MAMDC2: variants seen among roughly 807,000 people sequenced by gnomAD.
MAMDC2 encodes the protein MAM domain containing 2.
Under a neutral mutation model 89.8 loss-of-function variants are expected in MAMDC2, and 57 were observed. That is an observed-to-expected ratio of 0.63 (90% confidence interval 0.51 to 0.79). The LOEUF is 0.79. Among genes scored for constraint, MAMDC2 ranks in the 30% least tolerant of loss-of-function variants. The pLI is 0.00. For synonymous variants in MAMDC2, 313 were observed against 293.4 expected (o/e 1.07, Z -0.68); for missense variants, 800 against 820.6 (o/e 0.97, Z 0.31).
At chr9:70,158,835 T>C (rs1227698233) in intron 9 of MAMDC2, among the ~76,000 whole-genome samples, 2 of 150,692 alleles carry the variant, frequency 1.3e-5, no homozygotes, top group East Asian at 3.9e-4. Context: ...CTATACAGCA[T>C]GTTATTGTAT....
chr9:70,054,716 A>T (rs1826989356), intron 2 of MAMDC2, among the ~76,000 whole-genome samples: 1 of 152,104 alleles, frequency 6.6e-6, no homozygotes, highest in Non-Finnish European at 1.5e-5. Context: ...TCCAAGTTCC[A>T]CTTTGATGAT....
At chr9:70,128,568 G>T (rs2030665874) in intron 6 of MAMDC2, among the ~76,000 whole-genome samples, 1 of 152,122 alleles carries the variant, frequency 6.6e-6, no homozygotes, top group Admixed American at 6.5e-5. Context: ...GAAACCGAGG[G>T]CTGGAGAAGA....
upstream of MAMDC2, chr9:70,043,831 C>T (rs1167491303): frequency 6.8e-6 from 2 of 292,690 alleles, no homozygotes; most frequent in African/African-American, 2.2e-5. Flanking sequence ...AAATCCTGAG[C>T]GAAGGCACTG....
chr9:70,220,259 C>T (rs1249321719), intron 12 of MAMDC2, among the ~76,000 whole-genome samples: 1 of 152,160 alleles, frequency 6.6e-6, no homozygotes, highest in Non-Finnish European at 1.5e-5. Context: ...AATAGACTTA[C>T]TGGGGAGGTA....
intron 2 of MAMDC2, among the ~76,000 whole-genome samples, chr9:70,102,511 G>A (rs1418917296): frequency 6.6e-6 from 1 of 152,188 alleles, no homozygotes; most frequent in East Asian, 1.9e-4. Flanking sequence ...CCATGCAGAT[G>A]TGTCCAGCGA....
At chr9:70,108,688 C>T (rs1211704873) in intron 3 of MAMDC2, among the ~76,000 whole-genome samples, 1 of 152,152 alleles carries the variant, frequency 6.6e-6, no homozygotes, top group Non-Finnish European at 1.5e-5. Flanking sequence ...AGATTTCTTT[C>T]CCATCTATTT....
At chr9:70,104,939 G>A (rs981435665) in intron 2 of MAMDC2, among the ~76,000 whole-genome samples, 4 of 152,072 alleles carry the variant, frequency 2.6e-5, no homozygotes, top group Admixed American at 6.6e-5. Context: ...TATGGAATGC[G>A]AATTATGTCT....
chr9:70,200,045 C>G (rs1554681465), intron 11 of MAMDC2, among the ~76,000 whole-genome samples: 3 of 150,962 alleles, frequency 2.0e-5, no homozygotes, highest in East Asian at 1.9e-4. Flanking sequence ...TGCAGAAGCT[C>G]TTTAGTTTAA....
At chr9:70,095,714 G>A (rs555722240) in intron 2 of MAMDC2, among the ~76,000 whole-genome samples, 3 of 152,326 alleles carry the variant, frequency 2.0e-5, no homozygotes, top group East Asian at 3.9e-4. Context: ...CTGTATAAAC[G>A]AAGCTGGAAG....
At chr9:70,091,759 G>A (rs1296250089) in intron 2 of MAMDC2, among the ~76,000 whole-genome samples, 1 of 152,118 alleles carries the variant, frequency 6.6e-6, no homozygotes, top group African/African-American at 2.4e-5. Context: ...GAATAGTTAA[G>A]TGCTCTAAAT....
chr9:70,192,402 G>C (rs911578261), intron 11 of MAMDC2, among the ~76,000 whole-genome samples: 1 of 152,006 alleles, frequency 6.6e-6, no homozygotes, highest in Admixed American at 6.6e-5. Context: ...ACCAGTCATA[G>C]TGCTCTGAAT....
At chr9:70,224,411 C>T (rs2033613589) in intron 12 of MAMDC2, among the ~76,000 whole-genome samples, 1 of 152,098 alleles carries the variant, frequency 6.6e-6, no homozygotes, top group Non-Finnish European at 1.5e-5. Context: ...AGTCCAAATC[C>T]CAAGGCCTGA....
intron 4 of MAMDC2, 26 bp from the exon 5 acceptor site, chr9:70,112,969 G>A (rs757905190): frequency 1.9e-6 from 3 of 1,613,898 alleles, no homozygotes; most frequent in Non-Finnish European, 2.5e-6. Context: ...GTGTCTCCAT[G>A]AAGTGTTTTT....
intron 11 of MAMDC2, among the ~76,000 whole-genome samples, chr9:70,179,400 T>A (rs1190511996): frequency 1.3e-5 from 2 of 151,670 alleles, no homozygotes; most frequent in African/African-American, 4.8e-5. Context: ...GGCGGGTGCC[T>A]GTAGTCCCAG....
chr9:70,092,405 A>G (rs906730259), intron 2 of MAMDC2: 4 of 152,356 alleles, frequency 2.6e-5, no homozygotes, highest in East Asian at 3.9e-4. Context: ...TTCTCAGCCA[A>G]TGCGAATGTG....
intron 2 of MAMDC2, among the ~76,000 whole-genome samples, chr9:70,100,676 T>C (rs1004921059): frequency 8.5e-5 from 13 of 152,098 alleles, no homozygotes; most frequent in African/African-American, 2.9e-4. Context: ...AGCTTAGCTG[T>C]GAGGAGGGAG....
intron 12 of MAMDC2, among the ~76,000 whole-genome samples, chr9:70,219,349 G>A (rs2033511953): frequency 6.6e-6 from 1 of 152,190 alleles, no homozygotes; most frequent in Middle Eastern, 3.2e-3. Flanking sequence ...ATTTCTGACT[G>A]TTCTTAAAAT....
intron 9 of MAMDC2, among the ~76,000 whole-genome samples, chr9:70,161,613 T>C (rs2031973657): frequency 6.6e-6 from 1 of 152,252 alleles, no homozygotes; most frequent in Non-Finnish European, 1.5e-5. Context: ...CTTTTCTAGA[T>C]AAAGCTTCAC....
At chr9:70,205,584 T>A (rs926017883) in intron 11 of MAMDC2, among the ~76,000 whole-genome samples, 2 of 152,306 alleles carry the variant, frequency 1.3e-5, no homozygotes, top group Middle Eastern at 3.4e-3. Flanking sequence ...GAATTATGGA[T>A]GTGGAATGTG....
Sources: allele counts gnomAD v4.1 joint callset (sites outside exome capture counted in the v4.1 genomes callset), GRCh38; gene constraint gnomAD v4.1.1; transcripts MANE v1.5; gene names NCBI Gene and HGNC (gene_info 2026-07-23, HGNC 2026-07-21).